Variants in NFIC observed in about 807,000 individuals in gnomAD.
NFIC encodes nuclear factor I C.
A neutral mutation model predicts 54.4 loss-of-function variants in NFIC; 12 were observed. The observed-to-expected ratio is 0.22, with a 90% CI of 0.14 to 0.36. The LOEUF (loss-of-function observed/expected upper bound fraction) is 0.36, where lower values mean the gene tolerates loss of function less well. Ranked by LOEUF, NFIC falls within the 10% of genes least tolerant of loss-of-function variation. NFIC has a pLI of 1.00. For missense variants in NFIC, 575 were observed against 718.2 expected, an observed-to-expected ratio of 0.80 and a Z score of 2.28; for synonymous variants, 322 against 319.2, an observed-to-expected ratio of 1.01 and a Z score of -0.09.
intron 2 of NFIC, among the ~76,000 whole-genome samples, chr19:3,404,796 G>C (rs565861830): frequency 6.6e-6 from 1 of 152,216 alleles, no homozygotes; most frequent in Non-Finnish European, 1.5e-5. Flanking sequence ...GAGTCCCTAC[G>C]CGCAGGCCTC....
rs111368986 is a variant in NFIC, at chr19:3,462,472, G to A, written c.1510-280G>A. On this transcript the variant is annotated intron_variant, in intron 10 of 10. Coordinates refer to ENST00000443272, the MANE Select transcript of NFIC (RefSeq NM_001245002.2). Reference sequence around the variant, plus strand: ...TGTGTAAGTATATCCCCAATGTTGCGTGGGCTAGACTTATACTAAAAGAAT... The same window carrying A: ...TGTGTAAGTATATCCCCAATGTTGCATGGGCTAGACTTATACTAAAAGAAT... Among the ~76,000 whole-genome samples, 724 of 152,282 alleles carry A rather than the reference G, an allele frequency of 4.8e-3. 6 individuals carry two copies. Among genetic ancestry groups the A allele is most frequent in the African/African-American group, 0.016 (685 of 41,546 alleles).
Position 3,452,802 on chromosome 19 carries a change from G to T in NFIC, c.1269+136G>T, listed in dbSNP as rs548786676. The T allele has an allele frequency of 1.8e-6, 2 of 1,088,486 alleles. No homozygotes were observed. Among genetic ancestry groups the T allele is most frequent in the Non-Finnish European group, 2.6e-6 (2 of 772,388 alleles). 67.4% of individuals were successfully genotyped at this position (1,088,486 alleles called of 1,614,324 possible). A position where few individuals can be genotyped will look rare whatever the true frequency, so the allele number is the denominator to read the frequency against. Reference sequence around the variant, plus strand: ...TGGCTCTGAAGTCCCCTCCTCTGTCGTGCTGGGAGGCAGCTGGATTGGGTC... The same window carrying T: ...TGGCTCTGAAGTCCCCTCCTCTGTCTTGCTGGGAGGCAGCTGGATTGGGTC... On this transcript the variant is annotated intron_variant, in intron 8 of 10. Transcript: ENST00000443272. The surrounding 1 kb of genome is among the most constrained non-coding windows in gnomAD (Gnocchi z 5.3).
At chr19:3,407,089 G>T (rs1363095154) in intron 2 of NFIC, among the ~76,000 whole-genome samples, 3 of 152,058 alleles carry the variant, frequency 2.0e-5, no homozygotes, top group African/African-American at 7.2e-5. Flanking sequence ...GGAGAACTTG[G>T]ACTTTTAGAT....
intron 1 of NFIC, among the ~76,000 whole-genome samples, chr19:3,361,340 G>A (rs1224043188): frequency 6.6e-6 from 1 of 152,154 alleles, no homozygotes; most frequent in Non-Finnish European, 1.5e-5. Flanking sequence ...CCGGGAGGTG[G>A]CTAAGGAGAC....
intron 1 of NFIC, among the ~76,000 whole-genome samples, chr19:3,371,996 T>TCC (rs1491273157): frequency 1.6e-5 from 1 of 62,626 alleles, no homozygotes; most frequent in Non-Finnish European, 3.2e-5. Context: ...TCCCTCTCTC[T>TCC]CCCTCTCTCT....
In NFIC at chr19:3,452,383, A is replaced by G; in HGVS notation, c.1085-99A>G. The G allele has an allele frequency of 1.2e-5, 18 of 1,466,674 alleles. No homozygotes were observed. The highest frequency in any genetic ancestry group is 1.6e-5 in the Non-Finnish European group (17 of 1,076,102). The allele number at this position is 1,466,674 out of a possible 1,614,324, so 90.9% of individuals were successfully genotyped here. A position where few individuals can be genotyped will look rare whatever the true frequency, so the allele number is the denominator to read the frequency against. ...GGTTATTGTTACTAAACGCACTGAG[A>G]TGCCGGCAGGAATGACACCCACAGA... is the stretch of plus-strand genomic sequence containing the variant. On this transcript the variant is annotated intron_variant, in intron 7 of 10. Coordinates refer to ENST00000443272, the MANE Select transcript of NFIC (RefSeq NM_001245002.2). This position sits in a 1 kb window ranked among gnomAD's most constrained non-coding sequence, Gnocchi z 5.3.
rs183213658 is a variant in NFIC at position 3,437,937 on chromosome 19, C to G, written c.958+2730C>G. On this transcript the variant is annotated intron_variant, in intron 6 of 10. Transcript: ENST00000443272. ...AAGTGATCCGCCAACCTCAAGTGATCCGCCCATCTCAGCCTCCCAAAGTGC... is the reference window on the plus strand; with the variant it reads ...AAGTGATCCGCCAACCTCAAGTGATGCGCCCATCTCAGCCTCCCAAAGTGC... 2.0e-5 allele frequency among the ~76,000 whole-genome samples: 3 copies of G among 152,204 alleles called. No individual in the cohort carries two copies. The East Asian group carries it at 5.8e-4, about 29-fold the overall frequency.
rs1181911105 is a variant in NFIC at position 3,453,341 on chromosome 19, G to A, written c.1270-422G>A. Among the ~76,000 whole-genome samples the A allele has an allele frequency of 6.6e-6, 1 of 152,208 alleles. No individual in the cohort carries two copies. The highest frequency in any genetic ancestry group is 1.5e-5 in the Non-Finnish European group (1 of 68,044). Reference sequence around the variant, plus strand: ...AGACAGCGTTTGCCAGACTCCACAGGAAGCTTTGGATGTTCAGAGCTTTTC... The same window carrying A: ...AGACAGCGTTTGCCAGACTCCACAGAAAGCTTTGGATGTTCAGAGCTTTTC... On this transcript the variant is annotated intron_variant, in intron 8 of 10. Transcript: ENST00000443272. This position sits in a 1 kb window ranked among gnomAD's most constrained non-coding sequence, Gnocchi z 6.7.
At chr19:3,392,049 T>A (rs2081384228) in intron 2 of NFIC, among the ~76,000 whole-genome samples, 1 of 151,278 alleles carries the variant, frequency 6.6e-6, no homozygotes, top group South Asian at 2.1e-4. Flanking sequence ...GCCTAGCAAT[T>A]TAAATGAGAT....
rs899252457 is a variant in NFIC at position 3,447,256 on chromosome 19, G to A, written c.959-1758G>A. On this transcript the variant is annotated intron_variant, in intron 6 of 10. Transcript: ENST00000443272. The stretch of plus-strand genomic sequence containing the variant: ...GGAGGTTGCAGCGAGCCGAGATCAC[G>A]CCATTGCACTCCAGCCAGGGCGACA... 7.8e-4 allele frequency among the ~76,000 whole-genome samples: 113 copies of A among 145,496 alleles called. 2 individuals carry two copies. Among genetic ancestry groups the A allele is most frequent in the Non-Finnish European group, 2.1e-4 (14 of 67,304 alleles).
chr19:3,413,001 GGAAGGGCCCAGCCT>G (rs2081789993), intron 2 of NFIC, among the ~76,000 whole-genome samples: 1 of 152,162 alleles, frequency 6.6e-6, no homozygotes, highest in South Asian at 2.1e-4. Context: ...CACAGGGGCT[GGAAGGGCCCAGCCT>G]GGGGCTCACT....
intron 2 of NFIC, among the ~76,000 whole-genome samples, chr19:3,391,847 T>C (rs2081381784): frequency 1.3e-5 from 2 of 152,122 alleles, no homozygotes; most frequent in East Asian, 3.8e-4. Flanking sequence ...ATATGTCATA[T>C]ATAATCATGG....
At chr19:3,373,416 C>G (rs575926130) in intron 1 of NFIC, among the ~76,000 whole-genome samples, 106 of 151,182 alleles carry the variant, frequency 7.0e-4, no homozygotes, top group Non-Finnish European at 1.2e-3. Context: ...GTCCCCTCCT[C>G]AACCCTCCCC....
At chr19:3,366,249 G>A (rs1320985825), upstream of NFIC, among the ~76,000 whole-genome samples, 1 of 151,438 alleles carries the variant, frequency 6.6e-6, no homozygotes, top group Non-Finnish European at 1.5e-5. Context: ...GAGGAGCGGG[G>A]GGGTCCTGAG....
chr19:3,427,627 G>C (rs1328680504), intron 3 of NFIC, among the ~76,000 whole-genome samples: 1 of 151,474 alleles, frequency 6.6e-6, no homozygotes, highest in African/African-American at 2.4e-5. Context: ...TCAGGAGTTC[G>C]AGACCAGCCT....
At chr19:3,379,673 C>CTTTTTTTTTTTTTTTTTTTTTT (rs370082450) in intron 1 of NFIC, among the ~76,000 whole-genome samples, 12 of 102,536 alleles carry the variant, frequency 1.2e-4, no homozygotes, top group African/African-American at 5.1e-4. Context: ...TTATTTCTTT[C>CTTTTTTTTTTTTTTTTTTTTTT]TTTTTTTTTT....
At chr19:3,391,351 T>C (rs1233713268) in intron 2 of NFIC, among the ~76,000 whole-genome samples, 1 of 152,124 alleles carries the variant, frequency 6.6e-6, no homozygotes, top group Non-Finnish European at 1.5e-5. Context: ...TAATAACAAG[T>C]AATAATATTA....
In NFIC at chr19:3,370,480, C is replaced by CCTCTCTCTCTCTCT. The variant is rs3834984; in HGVS notation, c.30+3823_30+3836dup. Among the ~76,000 whole-genome samples, 1 of 146,940 alleles carries CCTCTCTCTCTCTCT rather than the reference C, an allele frequency of 6.8e-6. No homozygotes were observed. Among genetic ancestry groups the CCTCTCTCTCTCTCT allele is most frequent in the African/African-American group, 2.6e-5 (1 of 39,206 alleles). ...GGGATTCTGGCAGAGTCAGCGTTCT[C>CCTCTCTCTCTCTCT]CTCTCTCTCTCTCTCTCTCTCTGTC... On this transcript the variant is annotated intron_variant, in intron 1 of 10. Transcript: ENST00000443272. This position sits in a 1 kb window ranked among gnomAD's most constrained non-coding sequence, Gnocchi z 5.2.
chr19:3,381,933 C>G lies in NFIC; in HGVS notation c.252C>G (p.Ile84Met), dbSNP rs756127133. The change falls in exon 2 of 11, where the codon ATC (isoleucine) becomes ATG (methionine). Residue 84 changes from isoleucine to methionine, a missense_variant. By Grantham distance (10) the Ile-to-Met change is conservative. This residue lies in a region of NFIC where 122 missense variants were observed against 158.0 expected (regional missense o/e 0.77). Transcript: ENST00000443272. ...TGCTGGCCAAGCTGCGCAAGGACATCCGGCCCGAGTGCCGCGAGGACTTCG... is the reference window on the plus strand; with the variant it reads ...TGCTGGCCAAGCTGCGCAAGGACATGCGGCCCGAGTGCCGCGAGGACTTCG... Reference protein sequence around the residue: ...SRLLAKLRKDIRPECREDFVL... With the variant: ...SRLLAKLRKDMRPECREDFVL... 7.4e-6 allele frequency: 12 copies of G among 1,613,494 alleles called. No homozygotes were observed. Among genetic ancestry groups the G allele is most frequent in the Non-Finnish European group, 1.0e-5 (12 of 1,179,930 alleles).
Sources: gnomAD v4.1 joint callset for allele counts (sites outside exome capture counted in the v4.1 genomes callset) on GRCh38, gnomAD v4.1.1 for gene constraint, gnomAD v4.1.1 regional missense constraint, Gnocchi (gnomAD v3.1) non-coding constraint, MANE v1.5 for transcripts, NCBI Gene and HGNC (gene_info 2026-07-23, HGNC 2026-07-21) for gene names.